LRMDA: variants seen among roughly 807,000 people sequenced by gnomAD.
LRMDA encodes the protein leucine rich melanocyte differentiation associated.
In LRMDA, 18 loss-of-function variants were observed where a neutral mutation model predicts 29.8. The observed-to-expected ratio is 0.60, with a 90% confidence interval of 0.42 to 0.90. The LOEUF (loss-of-function observed/expected upper bound fraction) is 0.90. Ranked by LOEUF, LRMDA falls within the 40% of genes least tolerant of loss-of-function variation. The pLI, the probability that LRMDA is intolerant of heterozygous loss-of-function variation, is 0.00. For synonymous variants in LRMDA, 125 were observed against 109.4 expected (o/e 1.14, Z -0.89); for missense variants, 273 against 273.9 (o/e 1.00, Z 0.02).
rs763290904 is a variant in LRMDA at position 76,324,415 on chromosome 10, C to T, written c.531C>T (p.Asp177=). Residue 177 remains aspartate, a synonymous_variant, in exon 6 of 7, where the codon GAC becomes GAT. Coordinates refer to ENST00000611255, the MANE Select transcript of LRMDA (RefSeq NM_001305581.2). ...KVVKPKASSE[D]VASSPERHYT... is the part of the protein sequence containing the mutation. Reference sequence around the variant, plus strand: ...TTGTCACACAGGCTTCTAGTGAGGACGTTGCCAGCTCCCCGGAGCGCCACT... The same window carrying T: ...TTGTCACACAGGCTTCTAGTGAGGATGTTGCCAGCTCCCCGGAGCGCCACT... 9.1e-5 allele frequency: 147 copies of T among 1,613,958 alleles called. No individual in the cohort carries two copies. The highest frequency in any genetic ancestry group is 1.2e-4 in the Non-Finnish European group (141 of 1,180,028).
intron 6 of LRMDA, among the ~76,000 whole-genome samples, chr10:76,521,327 G>C (rs1001835748): frequency 1.3e-5 from 2 of 151,904 alleles, no homozygotes; most frequent in African/African-American, 4.8e-5. Context: ...GTAGAGACGG[G>C]GTTTCACCGT....
At chr10:76,352,466 G>A (rs976112448) in intron 6 of LRMDA, among the ~76,000 whole-genome samples, 8 of 151,934 alleles carry the variant, frequency 5.3e-5, no homozygotes, top group East Asian at 3.9e-4. Flanking sequence ...GTGACTAAGC[G>A]GCCGATTCTA....
chr10:75,716,555 CA>C (rs1382631052), intron 2 of LRMDA, among the ~76,000 whole-genome samples: 1 of 152,182 alleles, frequency 6.6e-6, no homozygotes, highest in Non-Finnish European at 1.5e-5. Context: ...TTCAATAAGA[CA>C]AAGGGGGAAC....
chr10:75,926,966 C>G (rs915333860), intron 2 of LRMDA, among the ~76,000 whole-genome samples: 4 of 152,182 alleles, frequency 2.6e-5, no homozygotes, highest in Non-Finnish European at 5.9e-5. Flanking sequence ...GAAGCCTCCC[C>G]TAGTGCTCCA....
chr10:76,055,429 A>AG (rs1848598207), intron 4 of LRMDA, among the ~76,000 whole-genome samples: 2 of 152,232 alleles, frequency 1.3e-5, no homozygotes, highest in Non-Finnish European at 1.5e-5. Context: ...AAGCATATGC[A>AG]GGCCACTTGG....
chr10:75,484,238 G>A (rs770139379), intron 2 of LRMDA, among the ~76,000 whole-genome samples: 64 of 152,134 alleles, frequency 4.2e-4, no homozygotes, highest in Non-Finnish European at 6.2e-4. Flanking sequence ...TTACAGACAT[G>A]TGCTACTGCA....
intron 2 of LRMDA, among the ~76,000 whole-genome samples, chr10:75,739,589 G>T (rs1264010375): frequency 6.6e-6 from 1 of 152,184 alleles, no homozygotes; most frequent in Non-Finnish European, 1.5e-5. Context: ...GCTTCTGAAG[G>T]AAATGGCTGA....
At chr10:75,846,448 T>C (rs1042545912) in intron 2 of LRMDA, among the ~76,000 whole-genome samples, 3 of 152,030 alleles carry the variant, frequency 2.0e-5, no homozygotes, top group Admixed American at 1.3e-4. Flanking sequence ...CAATCAGAAA[T>C]TGAGGCTTGA....
chr10:76,222,116 A>C (rs1851853428), intron 5 of LRMDA, among the ~76,000 whole-genome samples: 1 of 151,908 alleles, frequency 6.6e-6, no homozygotes, highest in Non-Finnish European at 1.5e-5. Flanking sequence ...ACAAAAATTA[A>C]TTCAAGATGG....
In LRMDA at chr10:75,563,530, C is replaced by T. The variant is rs1229936617; in HGVS notation, c.131+125036C>T. On this transcript the variant is annotated intron_variant, in intron 2 of 6. Coordinates refer to ENST00000611255, the MANE Select transcript of LRMDA (RefSeq NM_001305581.2). ...CTTCTGAAGCCTTCTTCTCTCAACTCGTCAAAGTCATTCTCCGTCCAGCTT... is the reference window on the plus strand; with the variant it reads ...CTTCTGAAGCCTTCTTCTCTCAACTTGTCAAAGTCATTCTCCGTCCAGCTT... Among the ~76,000 whole-genome samples, 13 of 152,290 alleles carry T rather than the reference C, an allele frequency of 8.5e-5. No individual in the cohort carries two copies. In the East Asian group the frequency reaches 9.6e-4, roughly 11 times the overall value.
intron 2 of LRMDA, among the ~76,000 whole-genome samples, chr10:75,572,428 C>A (rs530845956): frequency 2.6e-5 from 4 of 151,906 alleles, no homozygotes; most frequent in Non-Finnish European, 4.4e-5. Flanking sequence ...CTGGCACCCC[C>A]GGCAGATAGA....
chr10:75,822,881 T>A, intron 2 of LRMDA, among the ~76,000 whole-genome samples: 1 of 152,152 alleles, frequency 6.6e-6, no homozygotes, highest in East Asian at 1.9e-4. Context: ...ACCACCATCC[T>A]GGCTGATACC....
In LRMDA at chr10:75,825,867, AC is replaced by A. The variant is rs956167686; in HGVS notation, c.132-210136del. Among the ~76,000 whole-genome samples, 5 of 152,184 alleles carry A rather than the reference AC, an allele frequency of 3.3e-5. No homozygotes were observed. In the East Asian group the frequency reaches 9.7e-4, roughly 29 times the overall value. On this transcript the variant is annotated intron_variant, in intron 2 of 6. Coordinates refer to ENST00000611255, the MANE Select transcript of LRMDA (RefSeq NM_001305581.2). ...TCTTGAAGGCGGAGGTTACCCAGTGACCCCCTTGCTGCAAACTATAGTGGAA... is the reference window on the plus strand; with the variant it reads ...TCTTGAAGGCGGAGGTTACCCAGTGACCCCTTGCTGCAAACTATAGTGGAA...
intron 6 of LRMDA, among the ~76,000 whole-genome samples, chr10:76,474,958 C>G (rs1022827811): frequency 6.6e-6 from 1 of 151,718 alleles, no homozygotes; most frequent in Non-Finnish European, 1.5e-5. Context: ...TGGAAATAAT[C>G]TAAATGTTCA....
At chr10:76,204,591 C>G (rs1467040832) in intron 5 of LRMDA, among the ~76,000 whole-genome samples, 1 of 152,216 alleles carries the variant, frequency 6.6e-6, no homozygotes, top group African/African-American at 2.4e-5. Flanking sequence ...CCAATGTCCT[C>G]AGATGGTATA....
chr10:76,358,641 A>T (rs966985879), intron 6 of LRMDA, among the ~76,000 whole-genome samples: 1 of 152,174 alleles, frequency 6.6e-6, no homozygotes, highest in African/African-American at 2.4e-5. Context: ...CTATCAGAGG[A>T]GCTGAACAAG....
intron 2 of LRMDA, among the ~76,000 whole-genome samples, chr10:75,859,600 TACACACACACACACACACACAC>T (rs71024575): frequency 1.3e-5 from 1 of 77,602 alleles, no homozygotes; most frequent in Non-Finnish European, 2.7e-5. Flanking sequence ...ATTCAGGGCA[TACACACACACACACACACACAC>T]ACACACACAC....
chr10:75,571,179 G>A (rs1450522662), intron 2 of LRMDA, among the ~76,000 whole-genome samples: 1 of 152,164 alleles, frequency 6.6e-6, no homozygotes, highest in East Asian at 1.9e-4. Flanking sequence ...TATCTTTATA[G>A]TTTGGTTACT....
At chr10:76,476,530 A>C (rs1473970069) in intron 6 of LRMDA, among the ~76,000 whole-genome samples, 3 of 152,148 alleles carry the variant, frequency 2.0e-5, no homozygotes, top group Non-Finnish European at 4.4e-5. Context: ...AAAAGAGGGA[A>C]TCCTCACTAA....
Sources: allele counts gnomAD v4.1 joint callset (sites outside exome capture counted in the v4.1 genomes callset), GRCh38; gene constraint gnomAD v4.1.1; transcripts MANE v1.5; gene names NCBI Gene and HGNC (gene_info 2026-07-23, HGNC 2026-07-21).